DPP6: variants seen among roughly 807,000 people sequenced by gnomAD.
DPP6 encodes the protein A-type potassium channel modulatory protein DPP6.
Under a neutral mutation model 122.6 loss-of-function variants are expected in DPP6, and 69 were observed. The observed-to-expected ratio is 0.56, with a 90% CI of 0.46 to 0.69. The LOEUF is 0.69. DPP6 is among the 30% of genes least tolerant of loss of function. DPP6 has a pLI of 0.00. For missense variants in DPP6, 928 were observed against 1,116.9 expected (o/e 0.83, Z 2.41); for synonymous variants, 418 against 433.1 (o/e 0.97, Z 0.43).
At chr7:154,759,769 AG>A (rs1172757221) in intron 8 of DPP6, among the ~76,000 whole-genome samples, 1 of 152,208 alleles carries the variant, frequency 6.6e-6, no homozygotes, top group East Asian at 1.9e-4. Flanking sequence ...GGGTTGCAGA[AG>A]GGGCTCGCTG....
chr7:154,785,662 CATT>C (rs1308132261), intron 10 of DPP6, among the ~76,000 whole-genome samples: 5 of 152,202 alleles, frequency 3.3e-5, no homozygotes, highest in Non-Finnish European at 7.3e-5. Context: ...ACTTTTACAT[CATT>C]GAGGTTGATG....
intron 17 of DPP6, among the ~76,000 whole-genome samples, chr7:154,860,949 A>G (rs1803335603): frequency 6.6e-6 from 1 of 150,650 alleles, no homozygotes; most frequent in Non-Finnish European, 1.5e-5. Context: ...CATATGGGGC[A>G]GAACCAAAAA....
intron 1 of DPP6, among the ~76,000 whole-genome samples, chr7:154,195,497 G>A (rs1023512542): frequency 9.2e-5 from 14 of 152,124 alleles, no homozygotes; most frequent in African/African-American, 3.4e-4. Context: ...GCCATTGGCC[G>A]GCAGCCTGTT....
chr7:153,969,302 C>T (rs1400145400), intron 1 of DPP6, among the ~76,000 whole-genome samples: 2 of 148,978 alleles, frequency 1.3e-5, no homozygotes, highest in African/African-American at 5.2e-5. Context: ...ATAAATACTC[C>T]TCAGATTCTT....
chr7:153,900,435 C>T (rs1799597413), intron 1 of DPP6, among the ~76,000 whole-genome samples: 1 of 152,140 alleles, frequency 6.6e-6, no homozygotes, highest in South Asian at 2.1e-4. Context: ...GAAGCACAGG[C>T]ACCAGCATCT....
the DPP6 span, among the ~76,000 whole-genome samples, chr7:153,818,500 C>T: frequency 2.0e-5 from 3 of 151,916 alleles, no homozygotes; most frequent in African/African-American, 7.3e-5. Context: ...AGACTACTAC[C>T]CAGTGGCAGG....
At chr7:153,864,870 C>T in the DPP6 span, among the ~76,000 whole-genome samples, 1 of 152,108 alleles carries the variant, frequency 6.6e-6, no homozygotes, top group African/African-American at 2.4e-5. Flanking sequence ...GACACTTATT[C>T]AGGTTTTTGC....
At chr7:153,989,265 GAA>G (rs1332106521) in intron 1 of DPP6, among the ~76,000 whole-genome samples, 1 of 135,432 alleles carries the variant, frequency 7.4e-6, no homozygotes, top group Non-Finnish European at 1.6e-5. Context: ...GGGCGAGTGA[GAA>G]AGTGGGTGAA....
intron 5 of DPP6, among the ~76,000 whole-genome samples, chr7:154,626,451 C>T (rs1050569643): frequency 3.9e-5 from 6 of 152,178 alleles, no homozygotes; most frequent in East Asian, 3.9e-4. Flanking sequence ...CTCCTCTTAA[C>T]GACTCATTGC....
intron 7 of DPP6, among the ~76,000 whole-genome samples, chr7:154,678,044 T>C (rs1351036919): frequency 6.6e-6 from 1 of 152,168 alleles, no homozygotes; most frequent in Non-Finnish European, 1.5e-5. Context: ...CCTGTCTAGC[T>C]AAACGTTTGT....
intron 1 of DPP6, among the ~76,000 whole-genome samples, chr7:154,243,325 A>T (rs1384034255): frequency 1.3e-5 from 2 of 152,062 alleles, no homozygotes; most frequent in African/African-American, 4.8e-5. Context: ...AATGCCTTTG[A>T]TGTTGAAATT....
chr7:154,190,190 T>A (rs578228619), intron 1 of DPP6, among the ~76,000 whole-genome samples: 110 of 152,302 alleles, frequency 7.2e-4, no homozygotes, highest in African/African-American at 2.6e-3. Flanking sequence ...ATATACTAGG[T>A]GCATGACTAA....
chr7:154,321,014 G>T (rs547531037), intron 1 of DPP6, among the ~76,000 whole-genome samples: 29 of 152,082 alleles, frequency 1.9e-4, no homozygotes, highest in Non-Finnish European at 3.8e-4. Context: ...GCTTCTTTGT[G>T]CTCTAGGCAT....
the DPP6 span, among the ~76,000 whole-genome samples, chr7:153,800,658 A>G: frequency 6.6e-6 from 1 of 152,072 alleles, no homozygotes; most frequent in Admixed American, 6.6e-5. Context: ...CTGAGACTAC[A>G]GGCATGCACC....
intron 1 of DPP6, among the ~76,000 whole-genome samples, chr7:153,999,445 G>A (rs904469798): frequency 1.3e-5 from 2 of 152,188 alleles, no homozygotes; most frequent in Non-Finnish European, 2.9e-5. Flanking sequence ...TCAAGGCTTT[G>A]TTTGACCTTA....
intron 1 of DPP6, among the ~76,000 whole-genome samples, chr7:153,943,986 T>G (rs1006969868): frequency 6.6e-6 from 1 of 152,202 alleles, no homozygotes; most frequent in African/African-American, 2.4e-5. Flanking sequence ...TCTCCTCAGA[T>G]AGCTGCTCCA....
chr7:154,513,408 G>A (rs1826234419), intron 3 of DPP6, among the ~76,000 whole-genome samples: 1 of 151,982 alleles, frequency 6.6e-6, no homozygotes, highest in Admixed American at 6.6e-5. Flanking sequence ...TTGAGTTTTT[G>A]TTGGTTTGTT....
At chr7:154,790,809 AGGAG>A (rs372646872) in intron 10 of DPP6, among the ~76,000 whole-genome samples, 13 of 109,590 alleles carry the variant, frequency 1.2e-4, no homozygotes, top group African/African-American at 4.3e-4. Context: ...AAGGGAGGAA[AGGAG>A]GGAGGGAGGG....
Position 154,807,003 on chromosome 7 carries a change from G to A in DPP6, c.1557G>A (p.Thr519=), listed in dbSNP as rs763215449. ...PRRRQLYSAN[T]VGNFNRQCLS... is the part of the protein sequence containing the mutation. The stretch of plus-strand genomic sequence containing the variant: ...TCCTTTGCTCTTCCAGTGCCAACAC[G>A]GTGGGCAACTTCAACAGGCAGTGCC... The change falls in exon 16 of 26, where the codon ACG becomes ACA. Residue 519 remains threonine, a synonymous_variant. Transcript: ENST00000377770. The A allele has an allele frequency of 8.1e-6, 13 of 1,613,674 alleles. No homozygotes were observed. The East Asian group carries it at 8.9e-5, about 11-fold the overall frequency.
Sources: allele counts gnomAD v4.1 joint callset (sites outside exome capture counted in the v4.1 genomes callset), GRCh38; gene constraint gnomAD v4.1.1; transcripts MANE v1.5; gene names NCBI Gene and HGNC (gene_info 2026-07-23, HGNC 2026-07-21).